FAM227A: variants seen among roughly 807,000 people sequenced by gnomAD.
FAM227A encodes family with sequence similarity 227 member A.
A neutral mutation model predicts 74.7 loss-of-function variants in FAM227A; 80 were observed. The observed-to-expected ratio is 1.07, with a 90% CI of 0.89 to 1.29. The LOEUF is 1.29. Among genes scored for constraint, FAM227A ranks in the 50% most tolerant of loss-of-function variants. The pLI, the probability that FAM227A is intolerant of heterozygous loss-of-function variation, is 0.00. For missense variants in FAM227A, 654 were observed against 683.4 expected (o/e 0.96, Z 0.48); for synonymous variants, 237 against 241.8 (o/e 0.98, Z 0.19).
intron 3 of FAM227A, 56 bp from the exon 4 acceptor site, chr22:38,639,780 G>A (rs911083507): frequency 8.1e-7 from 1 of 1,235,348 alleles, no homozygotes; most frequent in African/African-American, 1.5e-5. Flanking sequence ...CCTGGAGAAG[G>A]GTGGGGTTAG....
intron 6 of FAM227A, among the ~76,000 whole-genome samples, chr22:38,635,255 G>T (rs1416569291): frequency 6.7e-6 from 1 of 150,102 alleles, no homozygotes; most frequent in African/African-American, 2.5e-5. Context: ...AAAAAGGAAG[G>T]AAGGGCATGG....
chr22:38,605,299 CTT>C lies in FAM227A; in HGVS notation c.1174_1175del (p.Lys392GlufsTer9), dbSNP rs1190046403. 1 of 1,551,366 alleles carries C rather than the reference CTT, an allele frequency of 6.4e-7. No homozygotes were observed. The highest frequency in any genetic ancestry group is 8.7e-7 in the Non-Finnish European group (1 of 1,146,312). Reference sequence around the variant, plus strand: ...CACATTCTCTTGCTTCTGATATCCTCTTGACTTCTTGCGTAGGTTTCTTCAAG... The same window carrying C: ...CACATTCTCTTGCTTCTGATATCCTCGACTTCTTGCGTAGGTTTCTTCAAG... ...LVLKKPTQEVKRISEARECEN... is the reference protein window; with the variant it reads ...LVLKKPTQEVXRISEARECEN... On this transcript the variant is annotated frameshift_variant, in exon 13 of 17. Transcript: ENST00000535113. LOFTEE classifies it high-confidence loss of function.
intron 12 of FAM227A, among the ~76,000 whole-genome samples, chr22:38,606,968 G>C (rs566580639): frequency 6.6e-6 from 1 of 152,250 alleles, no homozygotes; most frequent in Admixed American, 6.5e-5. Flanking sequence ...CATGAGGTCA[G>C]GAGTTCGAGA....
chr22:38,646,647 T>C lies in FAM227A; in HGVS notation c.143-1002A>G, dbSNP rs562678751. The stretch of plus-strand genomic sequence containing the variant: ...CTACTCTGATTTCTCTTCCAGTCAT[T>C]ATTATTATTATTTTTTTTTTTGAGA... On this transcript the variant is annotated intron_variant, in intron 2 of 16. Coordinates refer to ENST00000535113, the MANE Select transcript of FAM227A (RefSeq NM_001013647.2). 8.6e-5 allele frequency among the ~76,000 whole-genome samples: 13 copies of C among 151,728 alleles called. No homozygotes were observed. The East Asian group carries it at 9.8e-4, about 11-fold the overall frequency.
chr22:38,630,326 T>G (rs1328339071), intron 6 of FAM227A, among the ~76,000 whole-genome samples: 1 of 152,252 alleles, frequency 6.6e-6, no homozygotes, highest in African/African-American at 2.4e-5. Flanking sequence ...CGCTCTTTGC[T>G]TTGTCTTTCT....
At chr22:38,626,891 A>AATATATATATATAT (rs1555966997) in intron 8 of FAM227A, among the ~76,000 whole-genome samples, 28 of 57,688 alleles carry the variant, frequency 4.9e-4, no homozygotes, top group Middle Eastern at 0.015. Context: ...AAAAAAAAAA[A>AATATATATATATAT]ATATATATAT....
chr22:38,626,716 T>TA (rs1241118970), intron 8 of FAM227A, among the ~76,000 whole-genome samples: 8 of 147,280 alleles, frequency 5.4e-5, no homozygotes, highest in Admixed American at 2.0e-4. Context: ...ATAAAAAAAA[T>TA]AAAAAAAAAT....
chr22:38,655,030 C>T (rs1290851772), intron 1 of FAM227A, among the ~76,000 whole-genome samples: 1 of 148,420 alleles, frequency 6.7e-6, no homozygotes, highest in Non-Finnish European at 1.5e-5. Flanking sequence ...GTCCCAGCTA[C>T]TTGGGAGGCG....
chr22:38,615,976 TC>T (rs2091566921), intron 11 of FAM227A, among the ~76,000 whole-genome samples: 1 of 151,984 alleles, frequency 6.6e-6, no homozygotes, highest in Non-Finnish European at 1.5e-5. Flanking sequence ...AAGTACGAGT[TC>T]CGGGAGAGGC....
intron 3 of FAM227A, among the ~76,000 whole-genome samples, chr22:38,643,588 G>A (rs935051499): frequency 5.3e-5 from 8 of 152,152 alleles, no homozygotes; most frequent in Non-Finnish European, 8.8e-5. Flanking sequence ...TTGGAAGAGC[G>A]TTTGCCGGTT....
At chr22:38,630,388 C>G (rs2091893790) in intron 6 of FAM227A, among the ~76,000 whole-genome samples, 1 of 152,208 alleles carries the variant, frequency 6.6e-6, no homozygotes, top group Non-Finnish European at 1.5e-5. Context: ...TGATTAAGAG[C>G]ACAGACTTGG....
intron 10 of FAM227A, among the ~76,000 whole-genome samples, chr22:38,622,520 T>A (rs1046033123): frequency 2.6e-5 from 4 of 152,094 alleles, no homozygotes; most frequent in African/African-American, 4.8e-5. Context: ...TCTCTGAGCT[T>A]TAGTTTCCTC....
intron 13 of FAM227A, among the ~76,000 whole-genome samples, chr22:38,604,026 G>A (rs545567155): frequency 2.6e-5 from 4 of 151,992 alleles, no homozygotes; most frequent in Non-Finnish European, 4.4e-5. Flanking sequence ...AAAACACCAC[G>A]ATTAAAGTCA....
At position 38,583,529 on chromosome 22, in the gene FAM227A, C is replaced by T. The variant is rs2090746407; in HGVS notation, c.*2596G>A. ...CAACAATAACAGCTTGTGGCAATTA[C>T]AAAGTGAAAAGTACTGTGCCAAGAA... On this transcript the variant is annotated 3_prime_UTR_variant, in exon 17 of 17. Transcript: ENST00000535113. 1 of 153,308 alleles carries T rather than the reference C, an allele frequency of 6.5e-6. No individual in the cohort carries two copies. The highest frequency in any genetic ancestry group is 1.5e-5 in the Non-Finnish European group (1 of 68,906). 9.5% of individuals were successfully genotyped at this position (153,308 alleles called of 1,614,324 possible).
chr22:38,613,041 TTTATATATATA>T (rs1569206276), intron 11 of FAM227A, among the ~76,000 whole-genome samples: 2 of 119,856 alleles, frequency 1.7e-5, no homozygotes, highest in South Asian at 2.3e-4. Flanking sequence ...GAAATATATT[TTTATATATATA>T]TTATATATAT....
At position 38,636,505 on chromosome 22, in the gene FAM227A, G is replaced by A. The variant is rs1346935457; in HGVS notation, c.465C>T (p.Phe155=). 6 of 1,551,670 alleles carry A rather than the reference G, an allele frequency of 3.9e-6. No homozygotes were observed. In the South Asian group the frequency reaches 5.9e-5, roughly 15 times the overall value. Residue 155 remains phenylalanine (F), a synonymous_variant, in exon 6 of 17, where the codon TTC becomes TTT. Coordinates refer to ENST00000535113, the MANE Select transcript of FAM227A (RefSeq NM_001013647.2). ...GGACCACGTTGCCCACCATGTCACAGAAGTCCACGCCATTCGGAAGCTTGT... is the reference window on the plus strand; with the variant it reads ...GGACCACGTTGCCCACCATGTCACAAAAGTCCACGCCATTCGGAAGCTTGT... ...KPNKLPNGVD[F]CDMVGNVVRA...
intron 3 of FAM227A, among the ~76,000 whole-genome samples, chr22:38,645,199 G>C (rs2092210327): frequency 6.6e-6 from 1 of 151,604 alleles, no homozygotes; most frequent in African/African-American, 2.4e-5. Flanking sequence ...AGCCCATCCT[G>C]GCCAACATGG....
In FAM227A at chr22:38,585,825, T is replaced by C; in HGVS notation, c.*300A>G. On this transcript the variant is annotated 3_prime_UTR_variant, in exon 17 of 17. Coordinates refer to ENST00000535113, the MANE Select transcript of FAM227A (RefSeq NM_001013647.2). ...GTGGATAATCCCTACTTCATACGGC[T>C]GGTATGAAAGTTTTACCTTTGTATG... 1 of 549,578 alleles carries C rather than the reference T, an allele frequency of 1.8e-6. No individual in the cohort carries two copies. The highest frequency in any genetic ancestry group is 3.1e-6 in the Non-Finnish European group (1 of 324,308). The allele number at this position is 549,578 out of a possible 1,614,324, so 34.0% of individuals were successfully genotyped here.
At chr22:38,617,670 A>G (rs1175159294) in intron 11 of FAM227A, among the ~76,000 whole-genome samples, 1 of 152,198 alleles carries the variant, frequency 6.6e-6, no homozygotes, top group African/African-American at 2.4e-5. Flanking sequence ...TGGGGCATTC[A>G]GGTACTAGAA....
Sources: gnomAD v4.1 joint callset for allele counts (sites outside exome capture counted in the v4.1 genomes callset) on GRCh38, gnomAD v4.1.1 for gene constraint, MANE v1.5 for transcripts, NCBI Gene and HGNC (gene_info 2026-07-23, HGNC 2026-07-21) for gene names.